CHLSN: variants seen among roughly 807,000 people sequenced by gnomAD.
The protein encoded by CHLSN is protein cholesin.
chr7:1,136,508 A>G, the CHLSN span, among the ~76,000 whole-genome samples: 3 of 111,956 alleles, frequency 2.7e-5, no homozygotes, highest in South Asian at 2.4e-4. Flanking sequence ...AAATATATAT[A>G]AACATATATA....
the CHLSN span, among the ~76,000 whole-genome samples, chr7:1,070,472 C>G: frequency 6.6e-6 from 1 of 151,986 alleles, no homozygotes; most frequent in Non-Finnish European, 1.5e-5. Context: ...CACATGCACG[C>G]ACATACGCAC....
At chr7:1,124,661 T>C in the CHLSN span, among the ~76,000 whole-genome samples, 2 of 149,166 alleles carry the variant, frequency 1.3e-5, no homozygotes, top group Admixed American at 6.7e-5. Flanking sequence ...CATGTATACA[T>C]ATGTAACTAA....
chr7:1,008,999 A>G, the CHLSN span, among the ~76,000 whole-genome samples: 1 of 49,588 alleles, frequency 2.0e-5, no homozygotes, highest in South Asian at 3.2e-4. Flanking sequence ...ACACACATAC[A>G]CGCACACACA....
At chr7:1,016,782 A>ACAGCGCACAGCAGCGCACAG in the CHLSN span, among the ~76,000 whole-genome samples, 1 of 63,538 alleles carries the variant, frequency 1.6e-5, no homozygotes, top group Non-Finnish European at 2.8e-5. Context: ...ACAGCAGCGC[A>ACAGCGCACAGCAGCGCACAG]CAGCACACAG....
chr7:988,859 C>T, the CHLSN span: 2 of 1,319,354 alleles, frequency 1.5e-6, no homozygotes, highest in Non-Finnish European at 1.0e-6. Flanking sequence ...TGACCACTCC[C>T]CTCCCAGCCC....
chr7:1,064,069 GAT>G, the CHLSN span, among the ~76,000 whole-genome samples: 1 of 152,028 alleles, frequency 6.6e-6, no homozygotes, highest in Non-Finnish European at 1.5e-5. Flanking sequence ...ACTTTAGACA[GAT>G]GTGTGTGCCT....
the CHLSN span, among the ~76,000 whole-genome samples, chr7:998,804 T>C: frequency 8.1e-3 from 1,234 of 152,306 alleles, 14 homozygotes; most frequent in African/African-American, 0.029. Flanking sequence ...TCGCTTGTGC[T>C]TCTAGAGTCA....
the CHLSN span, among the ~76,000 whole-genome samples, chr7:1,116,126 T>C: frequency 0.046 from 2,936 of 63,552 alleles, 250 homozygotes; most frequent in Middle Eastern, 0.11. Context: ...CCAATGCCCA[T>C]GCAGGATGAC....
At chr7:1,068,430 A>G in the CHLSN span, among the ~76,000 whole-genome samples, 1 of 152,208 alleles carries the variant, frequency 6.6e-6, no homozygotes, top group Admixed American at 6.5e-5. Context: ...CAGTCTGAGA[A>G]ACAGCGCTGA....
At chr7:1,019,394 T>C in the CHLSN span, among the ~76,000 whole-genome samples, 14 of 152,100 alleles carry the variant, frequency 9.2e-5, no homozygotes, top group African/African-American at 3.4e-4. Flanking sequence ...AGGTTGTTGA[T>C]CACCCACGGT....
chr7:989,827 G>A, the CHLSN span, among the ~76,000 whole-genome samples: 2 of 148,400 alleles, frequency 1.3e-5, no homozygotes, highest in Non-Finnish European at 1.5e-5. Context: ...CATGTGCTGG[G>A]GGCGGTGTGG....
chr7:1,095,459 C>T, the CHLSN span, among the ~76,000 whole-genome samples: 6 of 152,186 alleles, frequency 3.9e-5, no homozygotes, highest in Admixed American at 1.3e-4. Context: ...AGAAAGCAGG[C>T]GGGGTGGGTG....
the CHLSN span, among the ~76,000 whole-genome samples, chr7:1,051,016 C>T: frequency 6.6e-6 from 1 of 152,244 alleles, no homozygotes; most frequent in African/African-American, 2.4e-5. Flanking sequence ...CAGCAGAGGC[C>T]TGGGTGGGAG....
chr7:985,768 C>T, the CHLSN span, among the ~76,000 whole-genome samples: 3 of 152,196 alleles, frequency 2.0e-5, no homozygotes, highest in South Asian at 6.2e-4. Context: ...ATGTAAAGAT[C>T]CCCTCTTTTT....
the CHLSN span, chr7:1,022,968 G>A: frequency 2.5e-5 from 12 of 473,224 alleles, no homozygotes; most frequent in East Asian, 4.0e-4. Flanking sequence ...CTCTGTCGTC[G>A]AGGCGCTCAC....
the CHLSN span, among the ~76,000 whole-genome samples, chr7:998,458 T>C: frequency 1.3e-4 from 7 of 54,294 alleles, no homozygotes; most frequent in South Asian, 2.0e-3. Flanking sequence ...TCTTAGATTC[T>C]TTTTTTTTTT....
At chr7:1,129,385 A>G in the CHLSN span, among the ~76,000 whole-genome samples, 6 of 38,942 alleles carry the variant, frequency 1.5e-4, no homozygotes, top group African/African-American at 1.7e-4. Flanking sequence ...GGCTCATCCC[A>G]CCGTCACCCG....
the CHLSN span, among the ~76,000 whole-genome samples, chr7:1,062,400 G>A: frequency 2.6e-5 from 4 of 151,996 alleles, no homozygotes; most frequent in Admixed American, 2.0e-4. Context: ...TAATACTTTC[G>A]GTTACCCCTC....
chr7:1,019,881 G>C, the CHLSN span, among the ~76,000 whole-genome samples: 319 of 152,350 alleles, frequency 2.1e-3, 1 homozygote, highest in African/African-American at 7.5e-3. Flanking sequence ...CCACAGCCTG[G>C]ACCCAGAGGC....
Sources: gnomAD v4.1 joint callset for allele counts (sites outside exome capture counted in the v4.1 genomes callset) on GRCh38, gnomAD v4.1.1 for gene constraint, MANE v1.5 for transcripts, NCBI Gene and HGNC (gene_info 2026-07-23, HGNC 2026-07-21) for gene names.